The following AP1B1 variants were observed in gnomAD, a reference collection of about 807,000 sequenced individuals.
AP1B1 encodes the protein adaptor related protein complex 1 subunit beta 1.
Under a neutral mutation model 104.3 loss-of-function variants are expected in AP1B1, and 36 were observed. That is an observed-to-expected ratio of 0.35 (90% CI 0.26 to 0.46). The LOEUF is 0.46. AP1B1 is among the 20% of genes least tolerant of loss of function. The pLI is 1.00. For synonymous variants in AP1B1, 504 were observed against 517.5 expected (o/e 0.97, Z 0.35); for missense variants, 901 against 1,247.9 (o/e 0.72, Z 4.19).
intron 1 of AP1B1, among the ~76,000 whole-genome samples, chr22:29,385,791 G>C (rs1009824396): frequency 6.6e-6 from 1 of 152,184 alleles, no homozygotes; most frequent in Admixed American, 6.5e-5. Flanking sequence ...GAAACACAGC[G>C]AAGTGCAAAA....
intron 1 of AP1B1, among the ~76,000 whole-genome samples, chr22:29,379,079 C>T (rs890526585): frequency 6.6e-6 from 1 of 152,054 alleles, no homozygotes; most frequent in South Asian, 2.1e-4. Flanking sequence ...AAGTGATGGG[C>T]GCAGTGGCTC....
chr22:29,351,907 A>T, intron 7 of AP1B1, 82 bp from the exon 8 acceptor site: 7 of 1,553,746 alleles, frequency 4.5e-6, no homozygotes, highest in Non-Finnish European at 6.1e-6. Flanking sequence ...TTGCTGGGAC[A>T]TTTCTGGGGT....
In AP1B1 at chr22:29,367,100, G is replaced by A. The variant is rs1018547341; in HGVS notation, c.37+107C>T. 3.5e-6 allele frequency: 3 copies of A among 864,834 alleles called. No homozygotes were observed. The African/African-American group carries it at 5.2e-5, about 15-fold the overall frequency. 53.6% of individuals were successfully genotyped at this position (864,834 alleles called of 1,614,324 possible). On this transcript the variant is annotated intron_variant, in intron 2 of 22. Coordinates refer to ENST00000357586, the MANE Select transcript of AP1B1 (RefSeq NM_001127.4). ...AAGCTCTAGGCCATTCCTGCCACAT[G>A]TTTCCAGGCCTTCATTCCCACCCCT...
chr22:29,337,873 C>A (rs931341004), intron 16 of AP1B1, among the ~76,000 whole-genome samples: 1 of 152,226 alleles, frequency 6.6e-6, no homozygotes, highest in Admixed American at 6.5e-5. Context: ...GGTGCTTCTG[C>A]CCCACCCCTT....
At chr22:29,329,661 G>A in intron 22 of AP1B1, 51 bp downstream of exon 22, 1 of 1,612,244 alleles carries the variant, frequency 6.2e-7, no homozygotes, top group South Asian at 1.1e-5. Flanking sequence ...GGCCATGACA[G>A]GAGACAAGAC....
chr22:29,341,389 T>C, intron 13 of AP1B1, 112 bp downstream of exon 13: 8 of 1,372,368 alleles, frequency 5.8e-6, no homozygotes, highest in Non-Finnish European at 7.9e-6. Flanking sequence ...GTTGTCAGTT[T>C]TCCTCAGACT....
intron 4 of AP1B1, 90 bp from the exon 5 acceptor site, chr22:29,359,061 T>C: frequency 7.6e-6 from 10 of 1,316,788 alleles, no homozygotes; most frequent in Non-Finnish European, 1.0e-5. Flanking sequence ...TGAGCCCTGC[T>C]AGGCTGAGCG....
chr22:29,336,420 G>A (rs1459309666), intron 16 of AP1B1, among the ~76,000 whole-genome samples: 3 of 152,160 alleles, frequency 2.0e-5, no homozygotes, highest in African/African-American at 7.2e-5. Flanking sequence ...TCTTGACTAG[G>A]AGATCCCCTC....
At chr22:29,367,403 A>G (rs1388618293) in intron 1 of AP1B1, 133 bp from the exon 2 acceptor site, 1 of 513,722 alleles carries the variant, frequency 1.9e-6, no homozygotes, top group Non-Finnish European at 3.5e-6. Context: ...TCCTGGAGAA[A>G]CAAACTTTAG....
chr22:29,378,488 C>T (rs572012942), intron 1 of AP1B1, among the ~76,000 whole-genome samples: 3 of 142,976 alleles, frequency 2.1e-5, no homozygotes, highest in Non-Finnish European at 4.5e-5. Flanking sequence ...GGGAGGTTGA[C>T]GCTGCAGTGA....
chr22:29,342,558 C>T (rs1285371534), intron 11 of AP1B1, among the ~76,000 whole-genome samples, 175 bp from the exon 12 acceptor site: 3 of 152,212 alleles, frequency 2.0e-5, no homozygotes, highest in East Asian at 1.9e-4. Context: ...GTGTTGGTGC[C>T]GCTGAGCAGC....
chr22:29,343,318 G>A (rs1275945607), intron 11 of AP1B1, among the ~76,000 whole-genome samples: 2 of 152,196 alleles, frequency 1.3e-5, no homozygotes, highest in Admixed American at 6.5e-5. Context: ...GGCAGTGCAG[G>A]AAGCCCAGCA....
intron 2 of AP1B1, among the ~76,000 whole-genome samples, chr22:29,366,882 A>ACACACACACACAC (rs1569163401): frequency 1.4e-5 from 2 of 138,068 alleles, no homozygotes; most frequent in Admixed American, 7.2e-5. Flanking sequence ...ACACACACAC[A>ACACACACACACAC]ACTGCTGTGG....
chr22:29,347,537 G>A (rs955720544), intron 11 of AP1B1, among the ~76,000 whole-genome samples: 1 of 152,156 alleles, frequency 6.6e-6, no homozygotes, highest in South Asian at 2.1e-4. Flanking sequence ...TTGGACCCAC[G>A]GGATTACACA....
At chr22:29,329,170 C>T in intron 22 of AP1B1, 1 of 1,285,782 alleles carries the variant, frequency 7.8e-7, no homozygotes, top group South Asian at 1.7e-5. Context: ...GAGCCGGAGG[C>T]TGCCAGGGAG....
At chr22:29,378,552 CAAAAAA>C (rs145933767) in intron 1 of AP1B1, among the ~76,000 whole-genome samples, 2 of 48,482 alleles carry the variant, frequency 4.1e-5, no homozygotes, top group Non-Finnish European at 7.5e-5. Context: ...AACTCCGTAT[CAAAAAA>C]AAAAAAAAAA....
intron 1 of AP1B1, among the ~76,000 whole-genome samples, chr22:29,387,951 G>C (rs1271328451): frequency 1.3e-5 from 2 of 152,228 alleles, no homozygotes; most frequent in Non-Finnish European, 2.9e-5. Flanking sequence ...TTGTCTTAGA[G>C]GCTCCAACAA....
At chr22:29,375,401 T>G (rs1457551131) in intron 1 of AP1B1, among the ~76,000 whole-genome samples, 1 of 145,118 alleles carries the variant, frequency 6.9e-6, no homozygotes, top group Admixed American at 6.8e-5. Flanking sequence ...CCCACAGACT[T>G]CCTCCCCTAA....
chr22:29,348,394 C>T (rs2147974656), intron 11 of AP1B1, among the ~76,000 whole-genome samples: 1 of 152,284 alleles, frequency 6.6e-6, no homozygotes. Context: ...GTTTAAAATG[C>T]TCCCTAGCAC....
Sources: allele counts gnomAD v4.1 joint callset (sites outside exome capture counted in the v4.1 genomes callset), GRCh38; gene constraint gnomAD v4.1.1; transcripts MANE v1.5; gene names NCBI Gene and HGNC (gene_info 2026-07-23, HGNC 2026-07-21).